Variants in DDAH1 observed in about 807,000 individuals in gnomAD.
DDAH1 encodes dimethylarginine dimethylaminohydrolase 1, also known as N(G),N(G)-dimethylarginine dimethylaminohydrolase 1.
A neutral mutation model predicts 28.8 loss-of-function variants in DDAH1; 19 were observed. The ratio of observed to expected loss-of-function variants is 0.66; its 90% CI spans 0.46 to 0.97. The LOEUF (loss-of-function observed/expected upper bound fraction) is 0.97, where lower values mean the gene tolerates loss of function less well. Among genes scored for constraint, DDAH1 ranks in the 50% least tolerant of loss-of-function variants. DDAH1 has a pLI of 0.00. For missense variants in DDAH1, 326 were observed against 375.9 expected (o/e 0.87, Z 1.10); for synonymous variants, 153 against 154.4 (o/e 0.99, Z 0.07).
At chr1:85,363,072 CTT>C (rs1649876171) in intron 1 of DDAH1, among the ~76,000 whole-genome samples, 1 of 152,152 alleles carries the variant, frequency 6.6e-6, no homozygotes, top group African/African-American at 2.4e-5. Context: ...GTTTAATACT[CTT>C]TATTTCAGGG....
Position 85,319,299 on chromosome 1 carries a change from CAG to C in DDAH1, c.*2151_*2152del, listed in dbSNP as rs1661227110. The C allele has an allele frequency of 6.6e-6, 1 of 152,030 alleles. No homozygotes were observed. The highest frequency in any genetic ancestry group is 1.5e-5 in the Non-Finnish European group (1 of 68,024). 9.4% of individuals were successfully genotyped at this position (152,030 alleles called of 1,614,324 possible). A position where few individuals can be genotyped will look rare whatever the true frequency, so the allele number is the denominator to read the frequency against. ...TCTCCAGACAAAAGAGAAGGAAAGACAGAAAGAAGCAAAAGAAAGGAAAAGTG... is the reference window on the plus strand; with the variant it reads ...TCTCCAGACAAAAGAGAAGGAAAGACAAAGAAGCAAAAGAAAGGAAAAGTG... On this transcript the variant is annotated 3_prime_UTR_variant, in exon 6 of 6. Transcript: ENST00000284031.
Position 85,321,412 on chromosome 1 carries a change from C to A in DDAH1, c.*40G>T. ...AGTGGGCACAGAGTCATCGGCCTTG[C>A]CTGTGCGGTCTTGCCGGCTACCGGG... On this transcript the variant is annotated 3_prime_UTR_variant, in exon 6 of 6. Transcript: ENST00000284031. The A allele has an allele frequency of 7.6e-7, 1 of 1,322,212 alleles. No individual in the cohort carries two copies. The highest frequency in any genetic ancestry group is 1.1e-6 in the Non-Finnish European group (1 of 914,108). The allele number at this position is 1,322,212 out of a possible 1,614,324, so 81.9% of individuals were successfully genotyped here.
At chr1:85,468,832 A>G (rs1227684349), upstream of DDAH1, among the ~76,000 whole-genome samples, 1 of 152,094 alleles carries the variant, frequency 6.6e-6, no homozygotes, top group Non-Finnish European at 1.5e-5. Flanking sequence ...ACTCTCCTTT[A>G]TTAAACCATC....
At chr1:85,503,781 G>T (rs1180833580) in intron 1 of DDAH1, among the ~76,000 whole-genome samples, 4 of 152,136 alleles carry the variant, frequency 2.6e-5, no homozygotes, top group African/African-American at 9.7e-5. Context: ...AGGAAATAGT[G>T]GCAGGAAAAC....
At chr1:85,512,852 G>A (rs1657296553) in intron 1 of DDAH1, among the ~76,000 whole-genome samples, 1 of 152,082 alleles carries the variant, frequency 6.6e-6, no homozygotes, top group Non-Finnish European at 1.5e-5. Flanking sequence ...AATAAAAGAG[G>A]ACACCAACAA....
chr1:85,486,700 C>A (rs569051281), intron 2 of DDAH1, among the ~76,000 whole-genome samples: 3 of 152,050 alleles, frequency 2.0e-5, no homozygotes, highest in Non-Finnish European at 2.9e-5. Context: ...GCAATAAATA[C>A]AGGGTGATAT....
intron 2 of DDAH1, among the ~76,000 whole-genome samples, chr1:85,480,122 G>A (rs1021947939): frequency 1.3e-5 from 2 of 152,098 alleles, no homozygotes; most frequent in African/African-American, 4.8e-5. Flanking sequence ...CTGTCAGTAG[G>A]TAAAACTGTG....
At chr1:85,326,274 C>T (rs1647392685) in intron 4 of DDAH1, among the ~76,000 whole-genome samples, 1 of 152,164 alleles carries the variant, frequency 6.6e-6, no homozygotes, top group Non-Finnish European at 1.5e-5. Context: ...TGGGGATGAG[C>T]TTATGCACTG....
At chr1:85,473,073 T>C (rs1031456505) in intron 2 of DDAH1, among the ~76,000 whole-genome samples, 6 of 152,242 alleles carry the variant, frequency 3.9e-5, no homozygotes, top group African/African-American at 1.4e-4. Flanking sequence ...TTTATGGCTG[T>C]GTAATATTCC....
At chr1:85,381,483 C>T (rs1020712814) in intron 1 of DDAH1, among the ~76,000 whole-genome samples, 7 of 151,292 alleles carry the variant, frequency 4.6e-5, no homozygotes, top group African/African-American at 1.7e-4. Context: ...AGTCTTTTAT[C>T]CTTCACCCCC....
chr1:85,508,087 G>T (rs1245874850), intron 1 of DDAH1, among the ~76,000 whole-genome samples: 1 of 152,174 alleles, frequency 6.6e-6, no homozygotes, highest in Non-Finnish European at 1.5e-5. Context: ...TGGTTAAAGT[G>T]GTGACTGCCA....
chr1:85,504,961 CTTTTTTTTTTTTTTTTTTTTTTTTT>C (rs61209793), intron 1 of DDAH1, among the ~76,000 whole-genome samples: 3 of 60,778 alleles, frequency 4.9e-5, no homozygotes, highest in South Asian at 1.7e-3. Context: ...CTCAATGATT[CTTTTTTTTTTTTTTTTTTTTTTTTT>C]TTTTTTTTTT....
At chr1:85,501,871 C>T (rs932565907) in intron 1 of DDAH1, among the ~76,000 whole-genome samples, 1 of 152,164 alleles carries the variant, frequency 6.6e-6, no homozygotes. Context: ...GATACTTTTG[C>T]TCATCATCTC....
chr1:85,445,757 C>T (rs563479580), intron 1 of DDAH1, among the ~76,000 whole-genome samples: 3 of 152,216 alleles, frequency 2.0e-5, no homozygotes, highest in Non-Finnish European at 4.4e-5. Flanking sequence ...TAAGTGTGTA[C>T]CACAATTCCC....
chr1:85,432,455 AT>A (rs1301549986), intron 1 of DDAH1, among the ~76,000 whole-genome samples: 1 of 152,100 alleles, frequency 6.6e-6, no homozygotes, highest in Non-Finnish European at 1.5e-5. Context: ...CATCAAATCT[AT>A]TTTATTTTCG....
chr1:85,404,304 C>T (rs1421018459), intron 1 of DDAH1: 4 of 1,430,386 alleles, frequency 2.8e-6, no homozygotes, highest in Non-Finnish European at 3.8e-6. Flanking sequence ...CATGAAACTT[C>T]TGCCTGTAGG....
chr1:85,466,832 C>CTTTTTTTTTTTTTTTTTTTTTTTT (rs10675813), upstream of DDAH1, among the ~76,000 whole-genome samples: 4 of 70,738 alleles, frequency 5.7e-5, no homozygotes, highest in African/African-American at 2.3e-4. Flanking sequence ...ATTATTTATT[C>CTTTTTTTTTTTTTTTTTTTTTTTT]TTTTTTTTTT....
intron 1 of DDAH1, among the ~76,000 whole-genome samples, chr1:85,397,536 C>T (rs944809314): frequency 2.0e-5 from 3 of 152,094 alleles, no homozygotes; most frequent in Non-Finnish European, 2.9e-5. Flanking sequence ...TTTAAGAAAA[C>T]GATTTTTTAA....
chr1:85,437,337 G>C (rs1653986418), intron 1 of DDAH1, among the ~76,000 whole-genome samples: 1 of 152,036 alleles, frequency 6.6e-6, no homozygotes, highest in South Asian at 2.1e-4. Flanking sequence ...AATTATAGTT[G>C]ACCCTTGAAC....
Sources: gnomAD v4.1 joint callset for allele counts (sites outside exome capture counted in the v4.1 genomes callset) on GRCh38, gnomAD v4.1.1 for gene constraint, MANE v1.5 for transcripts, NCBI Gene and HGNC (gene_info 2026-07-23, HGNC 2026-07-21) for gene names.